GART: variants seen among roughly 807,000 people sequenced by gnomAD.
GART encodes trifunctional purine biosynthetic protein adenosine-3.
GART carries 43 observed loss-of-function variants against 107.2 expected under a neutral mutation model. The observed-to-expected ratio is 0.40, with a 90% CI of 0.31 to 0.52. The LOEUF (loss-of-function observed/expected upper bound fraction) is 0.52. Among genes scored for constraint, GART ranks in the 20% least tolerant of loss-of-function variants. The pLI, the probability that GART is intolerant of heterozygous loss-of-function variation, is 0.52. For synonymous variants in GART, 434 were observed against 427.0 expected (o/e 1.02, Z -0.20); for missense variants, 1,107 against 1,206.5 (o/e 0.92, Z 1.22).
chr21:33,517,571 A>G lies in GART; in HGVS notation c.1740T>C (p.Pro580=), dbSNP rs1440794850. The change falls in exon 15 of 22, where the codon CCT becomes CCC. Residue 580 remains proline, a synonymous_variant. Transcript: ENST00000381815. ...ETAEMPDMYP[P]GEYDLAGFAV... is the part of the protein sequence containing the mutation. ...CAAACCCAGCTAGGTCATACTCTCC[A>G]GGGGGATACATGTCAGGCATTTCTG... The G allele has an allele frequency of 2.3e-5, 37 of 1,614,106 alleles. No individual in the cohort carries two copies. The highest frequency in any genetic ancestry group is 3.1e-5 in the Non-Finnish European group (37 of 1,180,038).
intron 16 of GART, among the ~76,000 whole-genome samples, chr21:33,515,691 A>T (rs1454875435): frequency 2.0e-5 from 3 of 151,490 alleles, no homozygotes; most frequent in African/African-American, 7.3e-5. Flanking sequence ...AACAAAAAAC[A>T]AAAAAGAACA....
intron 2 of GART, among the ~76,000 whole-genome samples, 155 bp downstream of exon 2, chr21:33,539,016 A>C (rs1230285939): frequency 6.6e-6 from 1 of 151,966 alleles, no homozygotes; most frequent in Non-Finnish European, 1.5e-5. Flanking sequence ...TCCTGACCTC[A>C]TGATCCGCAT....
At chr21:33,516,498 CCTT>C (rs1382940610) in intron 16 of GART, among the ~76,000 whole-genome samples, 1 of 152,158 alleles carries the variant, frequency 6.6e-6, no homozygotes, top group African/African-American at 2.4e-5. Context: ...GATTTAAAAA[CCTT>C]CTATTCCAAA....
rs1458034012 is a variant in GART, at chr21:33,532,336, C to T, written c.528+9G>A. On this transcript the variant is annotated intron_variant, in intron 5 of 21. Coordinates refer to ENST00000381815, the MANE Select transcript of GART (RefSeq NM_000819.5). The stretch of plus-strand genomic sequence containing the variant: ...AGAAAAGTAAATTTTTTCAGAAGAC[C>T]CAGCCTACCTGCATGATCTCTTGTA... 6.2e-7 allele frequency: 1 copy of T among 1,600,324 alleles called. No individual in the cohort carries two copies. Among genetic ancestry groups the T allele is most frequent in the East Asian group, 2.2e-5 (1 of 44,814 alleles).
At position 33,531,569 on chromosome 21, in the gene GART, ATTTT is replaced by A. The variant is rs540416206; in HGVS notation, c.529-16_529-13del. The A allele has an allele frequency of 2.3e-4, 328 of 1,411,606 alleles. No homozygotes were observed. The Middle Eastern group carries it at 4.1e-3, about 18-fold the overall frequency. The allele number at this position is 1,411,606 out of a possible 1,614,324, so 87.4% of individuals were successfully genotyped here. ...CCAAAGGCTTTCTCCTGATTGTAAG[ATTTT>A]TTTTTTTTTTTTTTTTAAAAAAAGA... On this transcript the variant is annotated splice_polypyrimidine_tract_variant and intron_variant, in intron 5 of 21. Transcript: ENST00000381815.
At position 33,521,003 on chromosome 21, in the gene GART, T is replaced by A. The variant is rs149642453; in HGVS notation, c.1406A>T (p.Asp469Val). 46 of 1,613,438 alleles carry A rather than the reference T, an allele frequency of 2.9e-5. No individual in the cohort carries two copies. The highest frequency in any genetic ancestry group is 3.9e-5 in the Non-Finnish European group (46 of 1,179,620). The change falls in exon 13 of 22, where the codon GAT (aspartate) becomes GTT (valine). Residue 469 changes from aspartate to valine, a missense_variant. Physicochemically the swap from Asp to Val is radical, Grantham distance 152 (BLOSUM62 -3). Coordinates refer to ENST00000381815, the MANE Select transcript of GART (RefSeq NM_000819.5). ...AAAAAGACCAGCAAAACCTCCAAGA[T>A]CAACTTTACAGCCTGTTGGAGAGGA... ...KATSRSGCKV[D>V]LGGFAGLFDL...
At chr21:33,522,571 T>C (rs1411048045) in intron 11 of GART, among the ~76,000 whole-genome samples, 2 of 152,194 alleles carry the variant, frequency 1.3e-5, no homozygotes, top group Admixed American at 6.5e-5. Flanking sequence ...CAAGTACTTC[T>C]CACAGGCTGC....
intron 16 of GART, among the ~76,000 whole-genome samples, chr21:33,516,773 G>T (rs1355475292): frequency 1.3e-5 from 2 of 152,114 alleles, no homozygotes; most frequent in Non-Finnish European, 2.9e-5. Context: ...TCAACTTTAT[G>T]TAAGCCAATT....
At position 33,511,310 on chromosome 21, in the gene GART, A is replaced by ACG; in HGVS notation, c.2255_2256insCG (p.Ile753ValfsTer11). On this transcript the variant is annotated frameshift_variant, in exon 17 of 22. Transcript: ENST00000381815. LOFTEE classifies it high-confidence loss of function. ...AGGCTTCTTCCTTGTGCTGCTGGAT[A>ACG]TCCCTCAGAATCTGCTCTGTCTGCT... The ACG allele has an allele frequency of 6.2e-7, 1 of 1,614,166 alleles. No individual in the cohort carries two copies. Among genetic ancestry groups the ACG allele is most frequent in the Non-Finnish European group, 8.5e-7 (1 of 1,180,026 alleles).
chr21:33,536,247 C>T (rs566673350), intron 2 of GART, among the ~76,000 whole-genome samples: 1 of 152,202 alleles, frequency 6.6e-6, no homozygotes, highest in Admixed American at 6.5e-5. Context: ...AACTCAATGA[C>T]GCTTTTAAGA....
intron 17 of GART, 148 bp from the exon 18 acceptor site, chr21:33,510,068 A>G (rs559034730): frequency 7.8e-5 from 53 of 680,476 alleles, no homozygotes; most frequent in Non-Finnish European, 1.1e-4. Flanking sequence ...ACACATTTGT[A>G]TCACTTAACA....
chr21:33,542,794 G>C (rs190165596), upstream of GART: 12 of 465,040 alleles, frequency 2.6e-5, no homozygotes, highest in African/African-American at 2.4e-4. Flanking sequence ...AACTTATGCG[G>C]ACACGGTCGC....
intron 16 of GART, among the ~76,000 whole-genome samples, chr21:33,515,509 G>T (rs183365643): frequency 6.6e-6 from 1 of 151,558 alleles, no homozygotes; most frequent in Non-Finnish European, 1.5e-5. Context: ...GCATGGTGGC[G>T]GGCACCTGTA....
rs549765888 is a variant in GART at position 33,512,811 on chromosome 21, T to C, written c.2108-1353A>G. 8.5e-4 allele frequency among the ~76,000 whole-genome samples: 130 copies of C among 152,260 alleles called. 2 individuals carry two copies. Among genetic ancestry groups the C allele is most frequent in the African/African-American group, 2.9e-3 (119 of 41,546 alleles). On this transcript the variant is annotated intron_variant, in intron 16 of 21. Coordinates refer to ENST00000381815, the MANE Select transcript of GART (RefSeq NM_000819.5). Reference sequence around the variant, plus strand: ...TCTTACCATGTTGCCCAGTCTAGTTTTGACCTCCTGGGCTTCTTCTGCCTC... The same window carrying C: ...TCTTACCATGTTGCCCAGTCTAGTTCTGACCTCCTGGGCTTCTTCTGCCTC...
At chr21:33,513,101 G>C (rs959318249) in intron 16 of GART, among the ~76,000 whole-genome samples, 1 of 91,814 alleles carries the variant, frequency 1.1e-5, no homozygotes, top group South Asian at 3.5e-4. Flanking sequence ...GTGTGTGTGT[G>C]TCTCTGTGTG....
chr21:33,530,753 A>C lies in GART; in HGVS notation c.723+6T>G. ...ACAAGACTTCAGCAGAGTCTTCGGG[A>C]AGTACCTGAGGGGCTGGACAATAGG... is the stretch of plus-strand genomic sequence containing the variant. On this transcript the variant is annotated splice_donor_region_variant and intron_variant, in intron 7 of 21. Transcript: ENST00000381815. 6.9e-7 allele frequency: 1 copy of C among 1,449,566 alleles called. No homozygotes were observed. The highest frequency in any genetic ancestry group is 9.1e-7 in the Non-Finnish European group (1 of 1,100,366). 89.8% of individuals were successfully genotyped at this position (1,449,566 alleles called of 1,614,324 possible).
chr21:33,529,475 GA>G (rs1395483702), intron 7 of GART: 4 of 135,824 alleles, frequency 2.9e-5, no homozygotes, highest in African/African-American at 1.1e-4. Flanking sequence ...TTTTTGAGGT[GA>G]AGTTTCACTT....
chr21:33,518,686 A>G, intron 14 of GART: 3 of 439,676 alleles, frequency 6.8e-6, no homozygotes, highest in Admixed American at 5.3e-5. Flanking sequence ...AGTTTGCCTC[A>G]TTCTTAATAG....
At chr21:33,538,598 A>G (rs2085348186) in intron 2 of GART, among the ~76,000 whole-genome samples, 1 of 152,154 alleles carries the variant, frequency 6.6e-6, no homozygotes, top group Non-Finnish European at 1.5e-5. Flanking sequence ...AATGCCTTTA[A>G]TCTGTATTAG....
Sources: allele counts gnomAD v4.1 joint callset (sites outside exome capture counted in the v4.1 genomes callset), GRCh38; gene constraint gnomAD v4.1.1; transcripts MANE v1.5; gene names NCBI Gene and HGNC (gene_info 2026-07-23, HGNC 2026-07-21).